The following GABBR2 variants were observed in gnomAD, a reference collection of about 807,000 sequenced individuals.
The protein encoded by GABBR2 is gamma-aminobutyric acid type B receptor subunit 2, also known as G-protein coupled receptor 51.
GABBR2 carries 23 observed loss-of-function variants against 105.6 expected under a neutral mutation model. That is an observed-to-expected ratio of 0.22 (90% CI 0.16 to 0.31). The LOEUF (loss-of-function observed/expected upper bound fraction) is 0.31, where lower values mean the gene tolerates loss of function less well. Ranked by LOEUF, GABBR2 falls within the 10% of genes least tolerant of loss-of-function variation. GABBR2 has a pLI of 1.00. For synonymous variants in GABBR2, 478 were observed against 499.7 expected (o/e 0.96, Z 0.58); for missense variants, 734 against 1,245.5 (o/e 0.59, Z 6.18).
intron 1 of GABBR2, among the ~76,000 whole-genome samples, chr9:98,670,203 A>G (rs1830389686): frequency 6.6e-6 from 1 of 152,122 alleles, no homozygotes; most frequent in Non-Finnish European, 1.5e-5. Flanking sequence ...GTACAATTCA[A>G]TACTTTCTAG....
intron 1 of GABBR2, among the ~76,000 whole-genome samples, chr9:98,657,358 G>A (rs1830197011): frequency 6.6e-6 from 1 of 152,174 alleles, no homozygotes; most frequent in African/African-American, 2.4e-5. Flanking sequence ...AAGAAAAATG[G>A]AGGGTATATT....
intron 2 of GABBR2, among the ~76,000 whole-genome samples, chr9:98,562,513 T>C (rs1479151315): frequency 6.6e-6 from 1 of 152,206 alleles, no homozygotes; most frequent in Non-Finnish European, 1.5e-5. Flanking sequence ...CATGCTAATG[T>C]ATTAGGGGTG....
chr9:98,676,212 C>T (rs542855753), intron 1 of GABBR2, among the ~76,000 whole-genome samples: 1 of 152,270 alleles, frequency 6.6e-6, no homozygotes, highest in Non-Finnish European at 1.5e-5. Context: ...AAGGAAGGGG[C>T]CATGTGCCAA....
chr9:98,679,841 G>A (rs1005932942), intron 1 of GABBR2, among the ~76,000 whole-genome samples: 2 of 152,232 alleles, frequency 1.3e-5, no homozygotes, highest in East Asian at 3.9e-4. Flanking sequence ...AACAGGCCTT[G>A]GCAAATTCCT....
rs189663021 is a variant in GABBR2, at chr9:98,702,297, G to A, written c.321+6120C>T. Among the ~76,000 whole-genome samples the A allele has an allele frequency of 7.7e-4, 116 of 150,106 alleles. 3 individuals are homozygous for A. The highest frequency in any genetic ancestry group is 2.1e-3 in the African/African-American group (87 of 41,060). On this transcript the variant is annotated intron_variant, in intron 1 of 18. Transcript: ENST00000259455. ...TGACACACCCCCTCCCCAGACATTG[G>A]TTCCCTCTCTGTTGCCCCTCCTGCC... is the stretch of plus-strand genomic sequence containing the variant.
intron 2 of GABBR2, among the ~76,000 whole-genome samples, chr9:98,546,203 T>C (rs1828398009): frequency 6.6e-6 from 1 of 152,264 alleles, no homozygotes; most frequent in Non-Finnish European, 1.5e-5. Context: ...TCTATAGTCA[T>C]AAGCTATAGA....
chr9:98,387,735 T>C (rs1359688905), intron 10 of GABBR2, among the ~76,000 whole-genome samples: 1 of 151,908 alleles, frequency 6.6e-6, no homozygotes, highest in Admixed American at 6.6e-5. Context: ...GAGAAAAGCC[T>C]AGGCAGCATA....
rs565788161 is a variant in GABBR2 at position 98,289,014 on chromosome 9, G to C, written c.*1570C>G. 20 of 152,738 alleles carry C rather than the reference G, an allele frequency of 1.3e-4. No individual in the cohort carries two copies. The highest frequency in any genetic ancestry group is 4.6e-4 in the African/African-American group (19 of 41,548). The allele number at this position is 152,738 out of a possible 1,614,324, so 9.5% of individuals were successfully genotyped here. A position where few individuals can be genotyped will look rare whatever the true frequency, so the allele number is the denominator to read the frequency against. ...AGACATCCTGGACATTGTCATTCAG[G>C]CCTTTCTTGAGCAAAGAATGAACCT... On this transcript the variant is annotated 3_prime_UTR_variant, in exon 19 of 19. Transcript: ENST00000259455.
intron 2 of GABBR2, among the ~76,000 whole-genome samples, chr9:98,544,777 A>G (rs549307055): frequency 2.0e-5 from 3 of 152,328 alleles, no homozygotes; most frequent in African/African-American, 7.2e-5. Context: ...TGAAAAAAAG[A>G]ATCAGTGGCT....
intron 1 of GABBR2, among the ~76,000 whole-genome samples, chr9:98,680,437 C>A (rs1205768359): frequency 6.6e-6 from 1 of 152,010 alleles, no homozygotes; most frequent in Non-Finnish European, 1.5e-5. Context: ...TCACGAGTAG[C>A]TGGGACTACA....
chr9:98,662,002 A>G (rs1830271880), intron 1 of GABBR2, among the ~76,000 whole-genome samples: 1 of 152,106 alleles, frequency 6.6e-6, no homozygotes, highest in African/African-American at 2.4e-5. Context: ...CTTCAGTTCA[A>G]CTTCTGCTTC....
intron 7 of GABBR2, among the ~76,000 whole-genome samples, chr9:98,446,006 C>A (rs17770298): frequency 0.086 from 13,055 of 152,188 alleles, 622 homozygotes; most frequent in South Asian, 0.14. Flanking sequence ...ATTAAGGTAA[C>A]TTTCAAATCC....
At chr9:98,436,315 A>ATAT (rs59876797) in intron 7 of GABBR2, among the ~76,000 whole-genome samples, 5 of 87,000 alleles carry the variant, frequency 5.7e-5, no homozygotes, top group African/African-American at 1.6e-4. Context: ...CCATAAATAT[A>ATAT]CCATATATAT....
intron 2 of GABBR2, among the ~76,000 whole-genome samples, chr9:98,557,111 T>A (rs1828598813): frequency 6.6e-6 from 1 of 152,066 alleles, no homozygotes; most frequent in African/African-American, 2.4e-5. Flanking sequence ...TGAGTCCTAG[T>A]GCTATAATAG....
rs762481463 is a variant in GABBR2 at position 98,306,117 on chromosome 9, G to C, written c.2229+4C>G. 3.1e-6 allele frequency: 5 copies of C among 1,610,694 alleles called. No homozygotes were observed. The highest frequency in any genetic ancestry group is 3.3e-5 in the Admixed American group (2 of 59,980). On this transcript the variant is annotated splice_donor_region_variant and intron_variant, in intron 15 of 18. Coordinates refer to ENST00000259455, the MANE Select transcript of GABBR2 (RefSeq NM_005458.8). This position sits in a 1 kb window ranked among gnomAD's most constrained non-coding sequence, Gnocchi z 5.4. ...AGGCCAGGTGGTGGGGCCAGCGCCT[G>C]TACCTTCGGCACGAATACCAGGCAG...
At position 98,306,594 on chromosome 9, in the gene GABBR2, C is replaced by T. The variant is rs1288793020; in HGVS notation, c.2005-249G>A. On this transcript the variant is annotated intron_variant, in intron 14 of 18. Coordinates refer to ENST00000259455, the MANE Select transcript of GABBR2 (RefSeq NM_005458.8). This position sits in a 1 kb window ranked among gnomAD's most constrained non-coding sequence, Gnocchi z 5.4. ...GTCCAGTTCTCCTGCACCCCTATGA[C>T]TGGTTCATGCACAGACCTGCCCAAG... 2 of 544,770 alleles carry T rather than the reference C, an allele frequency of 3.7e-6. No homozygotes were observed. The highest frequency in any genetic ancestry group is 6.6e-6 in the Non-Finnish European group (2 of 301,690). The allele number at this position is 544,770 out of a possible 1,614,324, so 33.7% of individuals were successfully genotyped here. A position where few individuals can be genotyped will look rare whatever the true frequency, so the allele number is the denominator to read the frequency against.
intron 1 of GABBR2, among the ~76,000 whole-genome samples, chr9:98,661,145 T>A (rs1382028858): frequency 1.3e-5 from 2 of 152,170 alleles, no homozygotes; most frequent in Non-Finnish European, 2.9e-5. Flanking sequence ...TGACCTCAAG[T>A]GATCCACTCA....
chr9:98,360,524 G>C (rs1311098258), intron 13 of GABBR2, among the ~76,000 whole-genome samples: 2 of 151,958 alleles, frequency 1.3e-5, no homozygotes, highest in Non-Finnish European at 2.9e-5. Flanking sequence ...GCCCTGGATA[G>C]CACCTTTCCA....
chr9:98,605,144 A>G (rs2779534), intron 1 of GABBR2, among the ~76,000 whole-genome samples: 134,964 of 152,304 alleles, frequency 0.89, 59,848 homozygotes, highest in Middle Eastern at 0.93. Context: ...CAGGGCAGCA[A>G]TGCCCCTCTC....
Sources: gnomAD v4.1 joint callset for allele counts (sites outside exome capture counted in the v4.1 genomes callset) on GRCh38, gnomAD v4.1.1 for gene constraint, Gnocchi (gnomAD v3.1) non-coding constraint, MANE v1.5 for transcripts, NCBI Gene and HGNC (gene_info 2026-07-23, HGNC 2026-07-21) for gene names.